Variants in MGAT5 observed in about 807,000 individuals in gnomAD.
MGAT5 encodes alpha-1,6-mannosylglycoprotein 6-beta-N-acetylglucosaminyltransferase A.
In MGAT5, 30 loss-of-function variants were observed where a neutral mutation model predicts 94.3. That is an observed-to-expected ratio of 0.32 (90% CI 0.24 to 0.43). MGAT5 has a LOEUF of 0.43. MGAT5 is among the 20% of genes least tolerant of loss of function. The pLI, the probability that MGAT5 is intolerant of heterozygous loss-of-function variation, is 1.00. For missense variants in MGAT5, 691 were observed against 905.5 expected (o/e 0.76, Z 3.04); for synonymous variants, 310 against 322.9 (o/e 0.96, Z 0.43).
intron 2 of MGAT5, among the ~76,000 whole-genome samples, chr2:134,289,693 C>G (rs1685228795): frequency 6.6e-6 from 1 of 152,180 alleles, no homozygotes; most frequent in Non-Finnish European, 1.5e-5. Context: ...TGCTGAACAC[C>G]TGCATTCCTT....
At chr2:134,126,569 C>T (rs928849087) in intron 1 of MGAT5, among the ~76,000 whole-genome samples, 1 of 152,256 alleles carries the variant, frequency 6.6e-6, no homozygotes, top group Non-Finnish European at 1.5e-5. Flanking sequence ...TAAGAAGAAT[C>T]AGCCCTTTAT....
chr2:134,266,567 T>C (rs1391505953), intron 1 of MGAT5, among the ~76,000 whole-genome samples: 1 of 152,206 alleles, frequency 6.6e-6, no homozygotes. Flanking sequence ...TTTTTGGAGG[T>C]TTAACAGTAA....
chr2:134,164,401 T>A lies in MGAT5; in HGVS notation c.-143+44110T>A, dbSNP rs139265656. On this transcript the variant is annotated intron_variant, in intron 1 of 16. Coordinates refer to the MGAT5 transcript ENST00000409645. ...TTAATAAATAGAAATGAGACCAAAT[T>A]TGGGGACCTCATCTTGCCAAGGAAG... Among the ~76,000 whole-genome samples, 8 of 152,232 alleles carry A rather than the reference T, an allele frequency of 5.3e-5. No homozygotes were observed. In the East Asian group the frequency reaches 1.4e-3, roughly 26 times the overall value.
chr2:134,320,368 T>C (rs1687244424), intron 4 of MGAT5, among the ~76,000 whole-genome samples: 1 of 146,960 alleles, frequency 6.8e-6, no homozygotes, highest in South Asian at 2.1e-4. Flanking sequence ...ATAGCAGCTT[T>C]TGTATTTTTT....
intron 11 of MGAT5, among the ~76,000 whole-genome samples, chr2:134,411,315 C>T (rs989047322): frequency 2.0e-5 from 3 of 152,092 alleles, no homozygotes; most frequent in African/African-American, 7.2e-5. Flanking sequence ...ACCACCATCA[C>T]CCCCACCCGT....
intron 1 of MGAT5, among the ~76,000 whole-genome samples, chr2:134,177,572 C>T (rs939826897): frequency 2.6e-5 from 4 of 152,210 alleles, no homozygotes; most frequent in African/African-American, 9.6e-5. Context: ...TGCCCTTTCC[C>T]GTTCTTCTGA....
chr2:134,217,470 C>G (rs1680559265), intron 1 of MGAT5, among the ~76,000 whole-genome samples: 2 of 152,118 alleles, frequency 1.3e-5, no homozygotes. Flanking sequence ...CCTGAGAAAG[C>G]AGGTGTGGGT....
Position 134,254,282 on chromosome 2 carries a change from G to A in MGAT5, c.-122G>A, listed in dbSNP as rs964009404. The A allele has an allele frequency of 3.9e-6, 5 of 1,283,150 alleles. No individual in the cohort carries two copies. The African/African-American group carries it at 5.9e-5, about 15-fold the overall frequency. 79.5% of individuals were successfully genotyped at this position (1,283,150 alleles called of 1,614,324 possible). On this transcript the variant is annotated 5_prime_UTR_variant, in exon 1 of 16. Transcript: ENST00000281923. The stretch of plus-strand genomic sequence containing the variant: ...CACAGCAGAATGGAAGTGAGGAAAG[G>A]CAACCAGCTGACACAGGAGCCAGAG...
intron 2 of MGAT5, among the ~76,000 whole-genome samples, chr2:134,314,398 T>C (rs1170257477): frequency 6.6e-6 from 1 of 152,212 alleles, no homozygotes; most frequent in African/African-American, 2.4e-5. Context: ...CTCTGCTCAG[T>C]CTAGTTCTCC....
At chr2:134,143,930 A>C (rs991654182) in intron 1 of MGAT5, among the ~76,000 whole-genome samples, 1 of 152,180 alleles carries the variant, frequency 6.6e-6, no homozygotes, top group Non-Finnish European at 1.5e-5. Flanking sequence ...GGGGAGAAGA[A>C]GACATTGTAA....
At chr2:134,402,573 G>A (rs550105440) in intron 10 of MGAT5, among the ~76,000 whole-genome samples, 40 of 152,270 alleles carry the variant, frequency 2.6e-4, no homozygotes, top group African/African-American at 9.4e-4. Context: ...CAGTCCAACT[G>A]ACTGCCTTCC....
At chr2:134,314,443 G>A (rs1006264080) in intron 2 of MGAT5, among the ~76,000 whole-genome samples, 2 of 152,180 alleles carry the variant, frequency 1.3e-5, no homozygotes, top group Admixed American at 1.3e-4. Context: ...GGGCAGAGGG[G>A]AACATGCCTA....
chr2:134,319,681 C>G, intron 4 of MGAT5: 1 of 352,716 alleles, frequency 2.8e-6, no homozygotes, highest in Non-Finnish European at 5.6e-6. Flanking sequence ...TCTTCAGGTC[C>G]TCTATGCCAT....
intron 2 of MGAT5, among the ~76,000 whole-genome samples, chr2:134,311,514 C>T (rs141523676): frequency 2.6e-5 from 4 of 152,200 alleles, no homozygotes; most frequent in African/African-American, 9.6e-5. Flanking sequence ...TCTGTGTGAG[C>T]TCGCATGCAA....
chr2:134,208,963 G>T (rs893741792), intron 1 of MGAT5, among the ~76,000 whole-genome samples: 1 of 152,124 alleles, frequency 6.6e-6, no homozygotes, highest in Non-Finnish European at 1.5e-5. Context: ...CCAGTGTTCT[G>T]GGAGCAGGGT....
At chr2:134,172,576 C>T (rs1353341439) in intron 1 of MGAT5, among the ~76,000 whole-genome samples, 3 of 152,064 alleles carry the variant, frequency 2.0e-5, no homozygotes, top group African/African-American at 7.2e-5. Context: ...TTAGTAGAGA[C>T]GGGTTTTCAC....
At chr2:134,378,946 C>T (rs1230679571) in intron 10 of MGAT5, among the ~76,000 whole-genome samples, 1 of 152,152 alleles carries the variant, frequency 6.6e-6, no homozygotes, top group East Asian at 1.9e-4. Context: ...TATGTGAGAG[C>T]ATTCAGTGCA....
intron 1 of MGAT5, among the ~76,000 whole-genome samples, chr2:134,236,392 G>T (rs1681639217): frequency 6.6e-6 from 1 of 152,164 alleles, no homozygotes; most frequent in Non-Finnish European, 1.5e-5. Flanking sequence ...CTCTGATATG[G>T]TTTGGCTGTG....
chr2:134,372,110 A>G (rs537269547), intron 10 of MGAT5, among the ~76,000 whole-genome samples: 2 of 152,306 alleles, frequency 1.3e-5, no homozygotes, highest in South Asian at 4.1e-4. Context: ...GGCTTGGGAA[A>G]TGCTACACTA....
Sources: gnomAD v4.1 joint callset for allele counts (sites outside exome capture counted in the v4.1 genomes callset) on GRCh38, gnomAD v4.1.1 for gene constraint, MANE v1.5 for transcripts, NCBI Gene and HGNC (gene_info 2026-07-23, HGNC 2026-07-21) for gene names.